The following DSP variants were observed in gnomAD, a reference collection of about 807,000 sequenced individuals.
DSP encodes 250/210 kDa paraneoplastic pemphigus antigen.
Under a neutral mutation model 290.6 loss-of-function variants are expected in DSP, and 114 were observed. The observed-to-expected ratio is 0.39, with a 90% CI of 0.34 to 0.46. DSP has a LOEUF of 0.46. Ranked by LOEUF, DSP falls within the 20% of genes least tolerant of loss-of-function variation. The pLI, the probability that DSP is intolerant of heterozygous loss-of-function variation, is 0.99. For synonymous variants in DSP, 1,311 were observed against 1,316.4 expected (o/e 1.00, Z 0.09); for missense variants, 3,230 against 3,495.8 (o/e 0.92, Z 1.92).
intron 4 of DSP, among the ~76,000 whole-genome samples, chr6:7,559,915 T>A (rs1055087614): frequency 1.3e-5 from 2 of 152,212 alleles, no homozygotes; most frequent in African/African-American, 4.8e-5. Context: ...ACTTTTGAAG[T>A]CTCAGTTGTC....
rs370715047 is a variant in DSP, at chr6:7,571,825, C to G, written c.1904-17C>G. On this transcript the variant is annotated splice_polypyrimidine_tract_variant and intron_variant, in intron 14 of 23. Transcript: ENST00000379802. ...TAGGTATTCTCTGATTTTTGTGGCC[C>G]TAACTTCTTTTTACAGTGACCACAA... The G allele has an allele frequency of 2.4e-5, 39 of 1,610,096 alleles. No individual in the cohort carries two copies. The highest frequency in any genetic ancestry group is 3.0e-5 in the Non-Finnish European group (35 of 1,179,724).
Position 7,568,607 on chromosome 6 carries a change from A to C in DSP, c.1419+18A>C, listed in dbSNP as rs772789817. The C allele has an allele frequency of 2.3e-5, 37 of 1,613,180 alleles. No homozygotes were observed. Among genetic ancestry groups the C allele is most frequent in the East Asian group, 4.5e-5 (2 of 44,872 alleles). On this transcript the variant is annotated intron_variant, in intron 11 of 23. Transcript: ENST00000379802. The stretch of plus-strand genomic sequence containing the variant: ...AAGATCAGGTGTGTACTCATTTAGA[A>C]TGATACAAAAGTTTTCCCTGTCTTT...
In DSP at chr6:7,559,338, G is replaced by A. The variant is rs774829433; in HGVS notation, c.535G>A (p.Gly179Ser). The A allele has an allele frequency of 5.6e-6, 9 of 1,613,706 alleles. No homozygotes were observed. Among genetic ancestry groups the A allele is most frequent in the Non-Finnish European group, 5.9e-6 (7 of 1,180,038 alleles). ...AGGCTACACTTGTCAGAGTGGCTCTGGCTGGGATGAGTTCACCAAACATGT... is the reference window on the plus strand; with the variant it reads ...AGGCTACACTTGTCAGAGTGGCTCTAGCTGGGATGAGTTCACCAAACATGT... ...GGGYTCQSGS[G>S]WDEFTKHVTS... The change falls in exon 4 of 24, where the codon GGC becomes AGC. Residue 179 changes from glycine (G) to serine (S), a missense_variant. This residue lies in a region of DSP where 646 missense variants were observed against 684.3 expected (regional missense o/e 0.94). Transcript: ENST00000379802.
rs1759423931 is a variant in DSP at position 7,581,107 on chromosome 6, G to A, written c.4917G>A (p.Val1639=). ...ATGACCTCCGGCAGCAGAGGGACGT[G>A]CTGGATGGCCACCTGAGGGAAAAGC... is the stretch of plus-strand genomic sequence containing the variant. ...SEDDLRQQRD[V]LDGHLREKQR... Residue 1639 remains valine (V), a synonymous_variant, in exon 23 of 24, where the codon GTG becomes GTA. Coordinates refer to ENST00000379802, the MANE Select transcript of DSP (RefSeq NM_004415.4). The A allele has an allele frequency of 2.5e-6, 4 of 1,613,986 alleles. No homozygotes were observed. In the African/African-American group the frequency reaches 5.3e-5, roughly 22 times the overall value.
intron 1 of DSP, among the ~76,000 whole-genome samples, chr6:7,543,265 A>T (rs1758070580): frequency 6.6e-6 from 1 of 152,078 alleles, no homozygotes; most frequent in Non-Finnish European, 1.5e-5. Flanking sequence ...TGGGAGGAGC[A>T]ACCTGAATGC....
chr6:7,578,502 A>G lies in DSP; in HGVS notation c.3024A>G (p.Thr1008=). 1 of 1,613,868 alleles carries G rather than the reference A, an allele frequency of 6.2e-7. No homozygotes were observed. The highest frequency in any genetic ancestry group is 1.3e-5 in the African/African-American group (1 of 75,010). The stretch of plus-strand genomic sequence containing the variant: ...ATGCTCGGTACATTGAACTACTTAC[A>G]AGATCTGGAGACTATTACAGGTTCT... ...DVHARYIELL[T]RSGDYYRFLS... Residue 1008 remains threonine, a synonymous_variant, in exon 22 of 24, where the codon ACA becomes ACG. Coordinates refer to ENST00000379802, the MANE Select transcript of DSP (RefSeq NM_004415.4).
rs371318677 is a variant in DSP at position 7,569,149 on chromosome 6, T to A, written c.1420-37T>A. 21 of 1,613,928 alleles carry A rather than the reference T, an allele frequency of 1.3e-5. No individual in the cohort carries two copies. In the Admixed American group the frequency reaches 3.5e-4, roughly 27 times the overall value. ...GAAAAAAAATAAAAACACATACTTA[T>A]GAATAAAGCCAAACCCTGGGGTTGC... On this transcript the variant is annotated intron_variant, in intron 11 of 23. Coordinates refer to ENST00000379802, the MANE Select transcript of DSP (RefSeq NM_004415.4).
chr6:7,585,545 A>AC lies in DSP; in HGVS notation c.8284dup (p.Gln2762ProfsTer25). The stretch of plus-strand genomic sequence containing the variant: ...AGGGGTTCATAGATGGCCGCGCCGC[A>AC]CAGAGGCTGCAAGACACCAGCAGCT... On this transcript the variant is annotated frameshift_variant, in exon 24 of 24. Coordinates refer to ENST00000379802, the MANE Select transcript of DSP (RefSeq NM_004415.4). LOFTEE classifies it high-confidence loss of function. 6.2e-7 allele frequency: 1 copy of AC among 1,614,172 alleles called. No homozygotes were observed. Among genetic ancestry groups the AC allele is most frequent in the Admixed American group, 1.7e-5 (1 of 60,028 alleles).
chr6:7,559,294 C>G lies in DSP; in HGVS notation c.491C>G (p.Ala164Gly). The G allele has an allele frequency of 6.2e-7, 1 of 1,613,988 alleles. No homozygotes were observed. The highest frequency in any genetic ancestry group is 8.5e-7 in the Non-Finnish European group (1 of 1,180,030). The part of the protein sequence containing the change: ...KAISVPRVRR[A>G]SSKGGGGYTC... ...ATCAGTGTCCCTCGAGTCCGCAGGG[C>G]CAGCTCCAAGGGTGGTGGAGGCTAC... Residue 164 changes from alanine to glycine, a missense_variant, in exon 4 of 24, where the codon GCC becomes GGC. By Grantham distance (60) the Ala-to-Gly change is moderately conservative. This residue lies in a region of DSP where 646 missense variants were observed against 684.3 expected (regional missense o/e 0.94). Transcript: ENST00000379802.
At position 7,582,790 on chromosome 6, in the gene DSP, T is replaced by C. The variant is rs1759481777; in HGVS notation, c.5528T>C (p.Leu1843Pro). The C allele has an allele frequency of 6.2e-6, 10 of 1,613,724 alleles. No homozygotes were observed. Among genetic ancestry groups the C allele is most frequent in the Non-Finnish European group, 8.5e-6 (10 of 1,179,986 alleles). ...GAGCTGAATCGTGCAAAATCAACTCTAGAGGCAGAAACCAGGGTGAAACAG... is the reference window on the plus strand; with the variant it reads ...GAGCTGAATCGTGCAAAATCAACTCCAGAGGCAGAAACCAGGGTGAAACAG... Reference protein sequence around the residue: ...EDELNRAKSTLEAETRVKQRL... With the variant: ...EDELNRAKSTPEAETRVKQRL... Residue 1843 changes from leucine (L) to proline (P), a missense_variant, in exon 24 of 24, where the codon CTA (leucine) becomes CCA (proline). Physicochemically the swap from Leu to Pro is moderately conservative, Grantham distance 98. This residue lies in a region of DSP where 1,714 missense variants were observed against 1,844.5 expected (regional missense o/e 0.93). Transcript: ENST00000379802. This position sits in a 1 kb window ranked among gnomAD's most constrained non-coding sequence, Gnocchi z 4.2.
At position 7,584,822 on chromosome 6, in the gene DSP, A is replaced by G. The variant is rs1759579885; in HGVS notation, c.7560A>G (p.Val2520=). Residue 2520 remains valine (V), a synonymous_variant, in exon 24 of 24, where the codon GTA becomes GTG. Transcript: ENST00000379802. This position sits in a 1 kb window ranked among gnomAD's most constrained non-coding sequence, Gnocchi z 6.4. ...ATGGCTCCACCAGGGTGGTCCTGGT[A>G]GATAGAAAGACAGGCAGTCAGTATG... is the stretch of plus-strand genomic sequence containing the variant. The part of the protein sequence containing the change: ...GSDGSTRVVL[V]DRKTGSQYDI... 6.2e-7 allele frequency: 1 copy of G among 1,614,232 alleles called. No individual in the cohort carries two copies. Among genetic ancestry groups the G allele is most frequent in the Non-Finnish European group, 8.5e-7 (1 of 1,180,044 alleles).
At chr6:7,556,590 A>G (rs1758512049) in intron 2 of DSP, among the ~76,000 whole-genome samples, 1 of 152,242 alleles carries the variant, frequency 6.6e-6, no homozygotes, top group Non-Finnish European at 1.5e-5. Flanking sequence ...CTCTTCACAA[A>G]GTACCCCTTC....
chr6:7,568,460 A>C lies in DSP; in HGVS notation c.1290A>C (p.Glu430Asp). Reference sequence around the variant, plus strand: ...AGAAAGAACGAGAGAAAATCCTTGAATACAAGCGTCAGGTGCAGAACTTGG... The same window carrying C: ...AGAAAGAACGAGAGAAAATCCTTGACTACAAGCGTCAGGTGCAGAACTTGG... Reference protein sequence around the residue: ...ELEKEREKILEYKRQVQNLVN... With the variant: ...ELEKEREKILDYKRQVQNLVN... The change falls in exon 11 of 24, where the codon GAA (glutamate) becomes GAC (aspartate). Residue 430 changes from glutamate to aspartate, a missense_variant. Physicochemically the swap from Glu to Asp is conservative, Grantham distance 45. Around this residue, in one of 5 missense-constraint regions of DSP, gnomAD observed 646 missense variants for 684.3 expected, o/e 0.94. Coordinates refer to ENST00000379802, the MANE Select transcript of DSP (RefSeq NM_004415.4). 1.2e-6 allele frequency: 2 copies of C among 1,614,146 alleles called. No individual in the cohort carries two copies. Among genetic ancestry groups the C allele is most frequent in the Non-Finnish European group, 1.7e-6 (2 of 1,180,032 alleles).
intron 4 of DSP, among the ~76,000 whole-genome samples, chr6:7,559,909 T>C (rs564876698): frequency 6.6e-5 from 10 of 152,334 alleles, no homozygotes; most frequent in African/African-American, 1.9e-4. Flanking sequence ...CCTTAGACTT[T>C]TGAAGTCTCA....
chr6:7,553,436 T>C (rs1345144908), intron 1 of DSP, among the ~76,000 whole-genome samples: 1 of 152,216 alleles, frequency 6.6e-6, no homozygotes, highest in Non-Finnish European at 1.5e-5. Flanking sequence ...TTTCTTAATG[T>C]TTCAGAATAA....
chr6:7,551,619 G>C (rs1342304917), intron 1 of DSP, among the ~76,000 whole-genome samples: 4 of 144,848 alleles, frequency 2.8e-5, no homozygotes, highest in Admixed American at 1.4e-4. Flanking sequence ...GACAGAGTGA[G>C]ACTCCTTCTC....
At position 7,565,691 on chromosome 6, in the gene DSP, G is replaced by T; in HGVS notation, c.939+171G>T. The T allele has an allele frequency of 1.2e-6, 1 of 847,406 alleles. No individual in the cohort carries two copies. Among genetic ancestry groups the T allele is most frequent in the Non-Finnish European group, 1.9e-6 (1 of 539,186 alleles). The allele number at this position is 847,406 out of a possible 1,614,324, so 52.5% of individuals were successfully genotyped here. A position where few individuals can be genotyped will look rare whatever the true frequency, so the allele number is the denominator to read the frequency against. The stretch of plus-strand genomic sequence containing the variant: ...CTTCCTGAAAACTTCTCCGTGTGGA[G>T]GCCATTATCCTTAGCAAACTTATGC... On this transcript the variant is annotated intron_variant, in intron 7 of 23. Coordinates refer to ENST00000379802, the MANE Select transcript of DSP (RefSeq NM_004415.4). This position sits in a 1 kb window ranked among gnomAD's most constrained non-coding sequence, Gnocchi z 4.2.
chr6:7,586,006 T>C lies in DSP; in HGVS notation c.*128T>C, dbSNP rs1159943250. 29 of 969,002 alleles carry C rather than the reference T, an allele frequency of 3.0e-5. No individual in the cohort carries two copies. The highest frequency in any genetic ancestry group is 4.4e-5 in the Non-Finnish European group (28 of 638,642). The allele number at this position is 969,002 out of a possible 1,614,324, so 60.0% of individuals were successfully genotyped here. On this transcript the variant is annotated 3_prime_UTR_variant, in exon 24 of 24. Transcript: ENST00000379802. ...GGACATTCTATGCTTACAGAAAATA[T>C]AGCCATGATTGAAATCAAATAGTAA...
chr6:7,550,224 G>T (rs4053176), intron 1 of DSP, among the ~76,000 whole-genome samples: 92,127 of 148,518 alleles, frequency 0.62, 28,962 homozygotes, highest in African/African-American at 0.7. Context: ...TTTTGTTTTT[G>T]TTTTTTTTTC....
Sources: gnomAD v4.1 joint callset for allele counts (sites outside exome capture counted in the v4.1 genomes callset) on GRCh38, gnomAD v4.1.1 for gene constraint, gnomAD v4.1.1 regional missense constraint, Gnocchi (gnomAD v3.1) non-coding constraint, MANE v1.5 for transcripts, NCBI Gene and HGNC (gene_info 2026-07-23, HGNC 2026-07-21) for gene names.